Variants in METTL9 observed in about 807,000 individuals in gnomAD.
METTL9 encodes the protein protein-L-histidine N-pros-methyltransferase.
Under a neutral mutation model 36.0 loss-of-function variants are expected in METTL9, and 10 were observed. That is an observed-to-expected ratio of 0.28 (90% CI 0.17 to 0.47). The LOEUF (loss-of-function observed/expected upper bound fraction) is 0.47. Among genes scored for constraint, METTL9 ranks in the 20% least tolerant of loss-of-function variants. The probability of loss-of-function intolerance (pLI) is 0.99; values close to 1 mark genes in which losing one functional copy is unlikely to be tolerated. For synonymous variants in METTL9, 175 were observed against 149.7 expected (o/e 1.17, Z -1.23); for missense variants, 246 against 383.5 (o/e 0.64, Z 3.00).
At chr16:21,631,023 A>G (rs1359230549) in intron 4 of METTL9, among the ~76,000 whole-genome samples, 3 of 152,228 alleles carry the variant, frequency 2.0e-5, no homozygotes, top group Admixed American at 6.5e-5. Context: ...GAGGAGGTCT[A>G]CGCCTCAGGG....
chr16:21,635,394 G>A (rs1202874333), intron 4 of METTL9, among the ~76,000 whole-genome samples: 2 of 151,984 alleles, frequency 1.3e-5, no homozygotes, highest in Non-Finnish European at 2.9e-5. Flanking sequence ...TAATAGGAGG[G>A]GGAGCTATAG....
chr16:21,635,371 G>A (rs1292108602), intron 4 of METTL9, among the ~76,000 whole-genome samples: 1 of 152,068 alleles, frequency 6.6e-6, no homozygotes, highest in Admixed American at 6.5e-5. Flanking sequence ...GGAGATTAGA[G>A]GAGGATTATC....
chr16:21,612,701 G>C lies in METTL9; in HGVS notation c.222G>C (p.Gln74His). The C allele has an allele frequency of 6.2e-7, 1 of 1,607,818 alleles. No individual in the cohort carries two copies. Among genetic ancestry groups the C allele is most frequent in the Non-Finnish European group, 8.5e-7 (1 of 1,178,018 alleles). Residue 74 changes from glutamine (Q) to histidine (H), a missense_variant, in exon 2 of 5, where the codon CAG becomes CAC. This residue lies in a region of METTL9 where 146 missense variants were observed against 302.1 expected (regional missense o/e 0.48). Coordinates refer to ENST00000358154, the MANE Select transcript of METTL9 (RefSeq NM_016025.5). The stretch of plus-strand genomic sequence containing the variant: ...AATCACTCCAGGCTGTCTTTGTTCA[G>C]AGTTACCTTGATCAAGGAACACAGA... ...LCESLQAVFVQSYLDQGTQIF... is the reference protein window; with the variant it reads ...LCESLQAVFVHSYLDQGTQIF...
chr16:21,654,572 A>T (rs558513340), intron 4 of METTL9: 1 of 152,408 alleles, frequency 6.6e-6, no homozygotes, highest in African/African-American at 2.4e-5. Flanking sequence ...AGTCCAAGAA[A>T]TGCTGGACGG....
At chr16:21,597,218 C>T (rs1354452400), upstream of METTL9, 1 of 1,266,302 alleles carries the variant, frequency 7.9e-7, no homozygotes, top group Admixed American at 2.3e-5. Flanking sequence ...ATTTGTAATT[C>T]AGGAGGCTCT....
At chr16:21,607,862 C>T (rs903826149) in intron 1 of METTL9, among the ~76,000 whole-genome samples, 2 of 152,086 alleles carry the variant, frequency 1.3e-5, no homozygotes, top group African/African-American at 4.8e-5. Context: ...AAAGAACTCA[C>T]CTGCGGCTGG....
At position 21,625,295 on chromosome 16, in the gene METTL9, T is replaced by C. The variant is rs886587404; in HGVS notation, c.751+180T>C. On this transcript the variant is annotated intron_variant, in intron 4 of 4. Coordinates refer to ENST00000358154, the MANE Select transcript of METTL9 (RefSeq NM_016025.5). The stretch of plus-strand genomic sequence containing the variant: ...TTAATGTTCACCTTAAGGTGGACTT[T>C]ATAGAGGTCTAGCATTCCCCTTGCA... 1.7e-5 allele frequency: 11 copies of C among 655,300 alleles called. No homozygotes were observed. In the East Asian group the frequency reaches 2.0e-4, roughly 12 times the overall value. The allele number at this position is 655,300 out of a possible 1,614,324, so 40.6% of individuals were successfully genotyped here.
intron 4 of METTL9, among the ~76,000 whole-genome samples, chr16:21,650,369 G>A (rs1966536514): frequency 6.6e-6 from 1 of 151,968 alleles, no homozygotes; most frequent in Admixed American, 6.6e-5. Context: ...TTAGCCAGGT[G>A]TGGTGGTGGA....
At chr16:21,644,518 T>C in intron 4 of METTL9, 1 of 652,916 alleles carries the variant, frequency 1.5e-6, no homozygotes, top group Non-Finnish European at 2.6e-6. Context: ...TGCTTGCCTA[T>C]TCGTATAAAA....
intron 3 of METTL9, among the ~76,000 whole-genome samples, chr16:21,618,720 C>CTT (rs1335944712): frequency 6.8e-6 from 1 of 145,986 alleles, no homozygotes; most frequent in Non-Finnish European, 1.5e-5. Flanking sequence ...CTTTTCTTTT[C>CTT]TTTTTTTTTT....
intron 4 of METTL9, among the ~76,000 whole-genome samples, chr16:21,650,205 GTC>G (rs960224130): frequency 2.6e-5 from 4 of 152,084 alleles, no homozygotes; most frequent in Non-Finnish European, 5.9e-5. Flanking sequence ...GTGAGATCCT[GTC>G]TCTATAAAAG....
In METTL9 at chr16:21,650,264, T is replaced by A. The variant is rs12925042; in HGVS notation, c.752-4963T>A. Among the ~76,000 whole-genome samples the A allele has an allele frequency of 7.0e-3, 1,066 of 152,300 alleles. 7 individuals carry two copies. The highest frequency in any genetic ancestry group is 0.011 in the Non-Finnish European group (767 of 68,010). Reference sequence around the variant, plus strand: ...GCTCACGCCTGTAATCCCAGCACTTTGGGATGCCGAGGCGGGCAGATCACC... The same window carrying A: ...GCTCACGCCTGTAATCCCAGCACTTAGGGATGCCGAGGCGGGCAGATCACC... On this transcript the variant is annotated intron_variant, in intron 4 of 4. Coordinates refer to ENST00000358154, the MANE Select transcript of METTL9 (RefSeq NM_016025.5).
At chr16:21,626,067 C>T (rs1174565909) in intron 4 of METTL9, among the ~76,000 whole-genome samples, 3 of 152,140 alleles carry the variant, frequency 2.0e-5, no homozygotes, top group Non-Finnish European at 2.9e-5. Context: ...CTATGCCTGG[C>T]TAATTTTTGT....
intron 4 of METTL9, chr16:21,639,913 A>G (rs1966203052): frequency 6.6e-6 from 1 of 151,232 alleles, no homozygotes; most frequent in Admixed American, 6.7e-5. Context: ...CCAGTTTAAA[A>G]GAAACACTTT....
At chr16:21,609,568 G>A (rs1409026274) in intron 1 of METTL9, among the ~76,000 whole-genome samples, 2 of 152,096 alleles carry the variant, frequency 1.3e-5, no homozygotes, top group East Asian at 3.8e-4. Context: ...GAAGTTGAAC[G>A]AACCAGGTGA....
chr16:21,650,626 T>A (rs1966548525), intron 4 of METTL9, among the ~76,000 whole-genome samples: 2 of 152,144 alleles, frequency 1.3e-5, no homozygotes. Flanking sequence ...TGGAATTTCA[T>A]ATCTCTACTT....
At chr16:21,598,777 G>A (rs1965013694), upstream of METTL9, among the ~76,000 whole-genome samples, 1 of 152,150 alleles carries the variant, frequency 6.6e-6, no homozygotes, top group South Asian at 2.1e-4. Flanking sequence ...ACTTCCCTGT[G>A]CTAATTCAAG....
At position 21,655,405 on chromosome 16, in the gene METTL9, C is replaced by T. The variant is rs377306122; in HGVS notation, c.930C>T (p.Asp310=). The change falls in exon 5 of 5, where the codon GAC becomes GAT. Residue 310 remains aspartate, a synonymous_variant. Coordinates refer to ENST00000358154, the MANE Select transcript of METTL9 (RefSeq NM_016025.5). ...DMYNDYYVLD[D]AVFVLKPV ...ATAATGACTACTACGTTCTGGATGA[C>T]GCTGTCTTTGTTCTCAAACCAGTAT... 1.2e-4 allele frequency: 197 copies of T among 1,614,014 alleles called. No homozygotes were observed. Among genetic ancestry groups the T allele is most frequent in the Non-Finnish European group, 1.5e-4 (175 of 1,180,000 alleles).
intron 4 of METTL9, chr16:21,643,248 G>A: frequency 3.2e-6 from 3 of 933,836 alleles, no homozygotes; most frequent in Admixed American, 1.9e-5. Context: ...TATTGCCACC[G>A]GTCCCAAAAA....
Sources: allele counts gnomAD v4.1 joint callset (sites outside exome capture counted in the v4.1 genomes callset), GRCh38; gene constraint gnomAD v4.1.1; regional missense constraint gnomAD v4.1.1; transcripts MANE v1.5; gene names NCBI Gene and HGNC (gene_info 2026-07-23, HGNC 2026-07-21).